Variants in UGGT1 observed in about 807,000 individuals in gnomAD.
UGGT1 encodes UDP-glucose:glycoprotein glucosyltransferase 1.
In UGGT1, 107 loss-of-function variants were observed where a neutral mutation model predicts 203.9. The ratio of observed to expected loss-of-function variants is 0.52; its 90% confidence interval spans 0.45 to 0.62. The LOEUF is 0.62. Ranked by LOEUF, UGGT1 falls within the 20% of genes least tolerant of loss-of-function variation. The probability of loss-of-function intolerance (pLI) is 0.00; values close to 1 mark genes in which losing one functional copy is unlikely to be tolerated. For missense variants in UGGT1, 1,673 were observed against 1,867.2 expected (o/e 0.90, Z 1.92); for synonymous variants, 628 against 653.5 (o/e 0.96, Z 0.59).
chr2:128,091,405 G>A lies in UGGT1; in HGVS notation c.48G>A (p.Leu16=). ...DASGACAAGA[L]PVTGVCYKMG... ...GCGGTGCGTGTGCCGCGGGTGCGCT[G>A]CCGGTGACAGGTACCCAGGGGTGGC... The change falls in exon 1 of 41, where the codon CTG becomes CTA. Residue 16 remains leucine, a synonymous_variant. Transcript: ENST00000259253. 2.5e-6 allele frequency: 4 copies of A among 1,581,390 alleles called. No individual in the cohort carries two copies. The highest frequency in any genetic ancestry group is 3.4e-6 in the Non-Finnish European group (4 of 1,163,694).
intron 8 of UGGT1, among the ~76,000 whole-genome samples, chr2:128,117,546 CTTTT>C (rs10694331): frequency 7.3e-6 from 1 of 137,516 alleles, no homozygotes; most frequent in Admixed American, 7.5e-5. Flanking sequence ...AACTGTTATT[CTTTT>C]TTTTTTTTTT....
At position 128,129,144 on chromosome 2, in the gene UGGT1, G is replaced by C; in HGVS notation, c.1342G>C (p.Asp448His). ...GCTGAACATCCAGCCCTCTGAGGCA[G>C]ACTATGCCGTAGACATCCGGAGTCC... ...LKLNIQPSEA[D>H]YAVDIRSPAI... Residue 448 changes from aspartate (D) to histidine (H), a missense_variant, in exon 13 of 41, where the codon GAC (aspartate) becomes CAC (histidine). Asp to His is a moderately conservative substitution (Grantham distance 81, BLOSUM62 -1). Transcript: ENST00000259253. The C allele has an allele frequency of 6.2e-7, 1 of 1,613,828 alleles. No homozygotes were observed. The highest frequency in any genetic ancestry group is 8.5e-7 in the Non-Finnish European group (1 of 1,179,988).
chr2:128,189,996 C>T lies in UGGT1; in HGVS notation c.*254C>T, dbSNP rs1046094877. ...TTTGGACTCTGTAAAGAGCATTCTTCTAGTCAGAGGGTGGAATGGCAGCAG... is the reference window on the plus strand; with the variant it reads ...TTTGGACTCTGTAAAGAGCATTCTTTTAGTCAGAGGGTGGAATGGCAGCAG... On this transcript the variant is annotated 3_prime_UTR_variant, in exon 41 of 41. Coordinates refer to ENST00000259253, the MANE Select transcript of UGGT1 (RefSeq NM_020120.4). 1 of 393,808 alleles carries T rather than the reference C, an allele frequency of 2.5e-6. No individual in the cohort carries two copies. Among genetic ancestry groups the T allele is most frequent in the Non-Finnish European group, 4.6e-6 (1 of 218,416 alleles). The allele number at this position is 393,808 out of a possible 1,614,324, so 24.4% of individuals were successfully genotyped here. A position where few individuals can be genotyped will look rare whatever the true frequency, so the allele number is the denominator to read the frequency against.
At chr2:128,187,992 A>G (rs1038332271) in intron 40 of UGGT1, among the ~76,000 whole-genome samples, 6 of 150,436 alleles carry the variant, frequency 4.0e-5, no homozygotes, top group Non-Finnish European at 5.9e-5. Flanking sequence ...GAAAAAATTT[A>G]GATCAACACA....
At chr2:128,144,468 C>A (rs1372925669) in intron 17 of UGGT1, among the ~76,000 whole-genome samples, 1 of 152,136 alleles carries the variant, frequency 6.6e-6, no homozygotes, top group African/African-American at 2.4e-5. Context: ...CTTATTGTAT[C>A]TTGGAATTAT....
At chr2:128,125,518 C>T (rs894625172) in intron 11 of UGGT1, among the ~76,000 whole-genome samples, 1 of 152,124 alleles carries the variant, frequency 6.6e-6, no homozygotes, top group Non-Finnish European at 1.5e-5. Context: ...GACAGTGACT[C>T]CTCACCCACC....
At chr2:128,179,516 T>G (rs1402374833) in intron 34 of UGGT1, among the ~76,000 whole-genome samples, 1 of 152,236 alleles carries the variant, frequency 6.6e-6, no homozygotes, top group African/African-American at 2.4e-5. Context: ...AGCAGTTTAT[T>G]TAGAGGTGTA....
intron 18 of UGGT1, among the ~76,000 whole-genome samples, chr2:128,151,498 C>G (rs1321886059): frequency 6.6e-6 from 1 of 152,134 alleles, no homozygotes; most frequent in East Asian, 1.9e-4. Flanking sequence ...CATCTAATAT[C>G]TTTGTCTTTT....
chr2:128,176,440 G>A (rs2104800716), intron 31 of UGGT1, among the ~76,000 whole-genome samples: 1 of 151,488 alleles, frequency 6.6e-6, no homozygotes, highest in Admixed American at 6.6e-5. Flanking sequence ...AAGAGCGGAG[G>A]CAGTGTGGTT....
Position 128,154,225 on chromosome 2 carries a change from G to A in UGGT1, c.2138-1264G>A, listed in dbSNP as rs560170741. Among the ~76,000 whole-genome samples, 7 of 152,286 alleles carry A rather than the reference G, an allele frequency of 4.6e-5. No homozygotes were observed. In the East Asian group the frequency reaches 1.2e-3, roughly 25 times the overall value. ...CCCTGAAGTTTCAGTAGAGCAAGGT[G>A]AGCGTGTTGTGGCTCTTCATCCTAA... On this transcript the variant is annotated intron_variant, in intron 19 of 40. Coordinates refer to ENST00000259253, the MANE Select transcript of UGGT1 (RefSeq NM_020120.4).
chr2:128,164,584 T>C (rs903841299), intron 25 of UGGT1, 146 bp from the exon 26 acceptor site: 5 of 625,836 alleles, frequency 8.0e-6, no homozygotes, highest in Non-Finnish European at 1.4e-5. Context: ...CACTAATCAC[T>C]CTTTCTCATG....
At chr2:128,097,989 G>A (rs1482071943) in intron 2 of UGGT1, among the ~76,000 whole-genome samples, 1 of 152,144 alleles carries the variant, frequency 6.6e-6, no homozygotes, top group African/African-American at 2.4e-5. Context: ...TGCCTCCTGA[G>A]TAGCTGGGAT....
intron 10 of UGGT1, among the ~76,000 whole-genome samples, chr2:128,121,784 A>G (rs531119091): frequency 6.0e-4 from 91 of 152,314 alleles, no homozygotes; most frequent in African/African-American, 2.0e-3. Flanking sequence ...AAGACCATGC[A>G]TTGTGTGGTT....
chr2:128,122,311 T>C (rs1017989485), intron 10 of UGGT1, among the ~76,000 whole-genome samples: 7 of 151,584 alleles, frequency 4.6e-5, no homozygotes, highest in Admixed American at 2.0e-4. Flanking sequence ...GGTGGGTGGA[T>C]CACTTGAGGT....
chr2:128,102,145 AT>A lies in UGGT1; in HGVS notation c.195-1773del, dbSNP rs147199229. On this transcript the variant is annotated intron_variant, in intron 2 of 40. Transcript: ENST00000259253. ...ACATCATATAGTTTGTAAAATCATA[AT>A]TTTTTTTTTTTTTGGGATGGAGTTT... Among the ~76,000 whole-genome samples, 321 of 146,444 alleles carry A rather than the reference AT, an allele frequency of 2.2e-3. 1 individual carries two copies. Among genetic ancestry groups the A allele is most frequent in the African/African-American group, 4.3e-3 (173 of 40,110 alleles).
intron 36 of UGGT1, among the ~76,000 whole-genome samples, chr2:128,181,585 G>A (rs768525414): frequency 6.6e-6 from 1 of 152,172 alleles, no homozygotes; most frequent in African/African-American, 2.4e-5. Context: ...ACTTCAGCCC[G>A]AGCGGGCGGA....
chr2:128,095,798 T>C (rs1193716909), intron 1 of UGGT1, among the ~76,000 whole-genome samples: 2 of 152,262 alleles, frequency 1.3e-5, no homozygotes, highest in African/African-American at 4.8e-5. Context: ...TGAAGCAGGA[T>C]GTTAACACAA....
chr2:128,178,994 A>G (rs1691546058), intron 34 of UGGT1, among the ~76,000 whole-genome samples: 1 of 152,168 alleles, frequency 6.6e-6, no homozygotes, highest in African/African-American at 2.4e-5. Context: ...CTGTTTTATA[A>G]ACAGGCTGAG....
intron 8 of UGGT1, among the ~76,000 whole-genome samples, chr2:128,116,960 C>T (rs1470034896): frequency 6.6e-6 from 1 of 152,092 alleles, no homozygotes; most frequent in African/African-American, 2.4e-5. Flanking sequence ...AATTGTTTCA[C>T]TTAATATTTT....
Sources: gnomAD v4.1 joint callset for allele counts (sites outside exome capture counted in the v4.1 genomes callset) on GRCh38, gnomAD v4.1.1 for gene constraint, MANE v1.5 for transcripts, NCBI Gene and HGNC (gene_info 2026-07-23, HGNC 2026-07-21) for gene names.